SMYD2: variants seen among roughly 807,000 people sequenced by gnomAD.
SMYD2 encodes N-lysine methyltransferase SMYD2.
SMYD2 carries 53 observed loss-of-function variants against 59.1 expected under a neutral mutation model. The ratio of observed to expected loss-of-function variants is 0.90; its 90% CI spans 0.72 to 1.13. SMYD2 has a LOEUF of 1.13. Ranked by LOEUF, SMYD2 falls within the 50% of genes most tolerant of loss-of-function variation. The probability of loss-of-function intolerance (pLI) is 0.00; values close to 1 mark genes in which losing one functional copy is unlikely to be tolerated. For missense variants in SMYD2, 494 were observed against 544.7 expected (o/e 0.91, Z 0.93); for synonymous variants, 208 against 198.8 (o/e 1.05, Z -0.39).
chr1:214,306,159 G>C (rs1013133672), intron 2 of SMYD2, among the ~76,000 whole-genome samples: 2 of 152,142 alleles, frequency 1.3e-5, no homozygotes, highest in African/African-American at 4.8e-5. Context: ...GGACAGGGAA[G>C]ATTTTCTCTA....
At chr1:214,309,212 T>C (rs1656961398) in intron 2 of SMYD2, among the ~76,000 whole-genome samples, 1 of 152,234 alleles carries the variant, frequency 6.6e-6, no homozygotes, top group South Asian at 2.1e-4. Flanking sequence ...AGAGGAAAGA[T>C]TTTAATTGCT....
At chr1:214,289,790 T>A (rs1285488777) in intron 1 of SMYD2, among the ~76,000 whole-genome samples, 1 of 152,244 alleles carries the variant, frequency 6.6e-6, no homozygotes, top group Non-Finnish European at 1.5e-5. Flanking sequence ...CAGGGGCCCC[T>A]GCACTGGCCC....
chr1:214,303,731 G>A (rs1217230255), intron 1 of SMYD2, among the ~76,000 whole-genome samples: 6 of 152,202 alleles, frequency 3.9e-5, no homozygotes, highest in African/African-American at 7.2e-5. Flanking sequence ...GAGAAGCCGC[G>A]GAGGATTCTG....
At chr1:214,302,911 C>A (rs6683913) in intron 1 of SMYD2, among the ~76,000 whole-genome samples, 14,843 of 152,178 alleles carry the variant, frequency 0.098, 910 homozygotes, top group South Asian at 0.19. Context: ...ATTTTCTAAT[C>A]TCTTACATCA....
intron 1 of SMYD2, among the ~76,000 whole-genome samples, chr1:214,304,085 C>G (rs189972580): frequency 6.6e-6 from 1 of 152,222 alleles, no homozygotes; most frequent in Non-Finnish European, 1.5e-5. Flanking sequence ...ACAATACACA[C>G]GCGAGCACCT....
intron 1 of SMYD2, among the ~76,000 whole-genome samples, chr1:214,298,334 G>T (rs1216135093): frequency 6.6e-6 from 1 of 152,184 alleles, no homozygotes; most frequent in Non-Finnish European, 1.5e-5. Context: ...ATGGTGCTGG[G>T]ATGACTGGCT....
At chr1:214,289,876 A>G (rs893664710) in intron 1 of SMYD2, among the ~76,000 whole-genome samples, 1 of 152,194 alleles carries the variant, frequency 6.6e-6, no homozygotes, top group Non-Finnish European at 1.5e-5. Context: ...CCTCTCAGGA[A>G]CTTGCATTGT....
At chr1:214,305,634 T>C (rs964149926) in intron 2 of SMYD2, among the ~76,000 whole-genome samples, 1 of 152,232 alleles carries the variant, frequency 6.6e-6, no homozygotes, top group African/African-American at 2.4e-5. Flanking sequence ...GCAGGCTACA[T>C]CTTACCCTTG....
intron 1 of SMYD2, 36 bp downstream of exon 1, chr1:214,281,463 C>G (rs747258665): frequency 3.0e-6 from 4 of 1,315,674 alleles, no homozygotes; most frequent in South Asian, 2.2e-5. Context: ...GGGCGGGAGC[C>G]GGGGGCGCCG....
At chr1:214,285,702 A>C (rs1263421553) in intron 1 of SMYD2, among the ~76,000 whole-genome samples, 3 of 146,132 alleles carry the variant, frequency 2.1e-5, no homozygotes, top group Admixed American at 2.0e-4. Flanking sequence ...TTCCATGTAC[A>C]TTAATGCATA....
intron 1 of SMYD2, among the ~76,000 whole-genome samples, chr1:214,290,266 C>T (rs372678659): frequency 1.3e-5 from 2 of 152,290 alleles, no homozygotes; most frequent in East Asian, 1.9e-4. Flanking sequence ...TCCGTACATT[C>T]GCTGAGAATC....
At chr1:214,302,908 A>G (rs987954775) in intron 1 of SMYD2, among the ~76,000 whole-genome samples, 5 of 152,114 alleles carry the variant, frequency 3.3e-5, no homozygotes, top group South Asian at 2.1e-4. Flanking sequence ...ATAATTTTCT[A>G]ATCTCTTACA....
intron 1 of SMYD2, among the ~76,000 whole-genome samples, chr1:214,300,732 A>G (rs68118165): frequency 0.11 from 16,157 of 152,232 alleles, 1,087 homozygotes; most frequent in Middle Eastern, 0.19. Flanking sequence ...GTGAATTCCA[A>G]TTCTGCCACC....
intron 1 of SMYD2, among the ~76,000 whole-genome samples, chr1:214,288,441 C>T (rs1028100796): frequency 6.6e-6 from 1 of 152,180 alleles, no homozygotes; most frequent in Admixed American, 6.5e-5. Context: ...CTCCCTGTTC[C>T]TCGTGTGATC....
chr1:214,333,894 T>C, intron 10 of SMYD2: 1 of 238,260 alleles, frequency 4.2e-6, no homozygotes. Flanking sequence ...TGGGTATGTC[T>C]GAAATATAAA....
chr1:214,310,766 T>C (rs1656987968), intron 2 of SMYD2, among the ~76,000 whole-genome samples: 1 of 152,216 alleles, frequency 6.6e-6, no homozygotes, highest in African/African-American at 2.4e-5. Context: ...TTGTCCAGTC[T>C]GGTTGCTTGT....
intron 6 of SMYD2, 47 bp from the exon 7 acceptor site, chr1:214,327,575 T>A: frequency 6.8e-7 from 1 of 1,470,628 alleles, no homozygotes; most frequent in Non-Finnish European, 9.5e-7. Context: ...AGCTAAACAG[T>A]CTGCCTATCT....
At chr1:214,319,860 G>A (rs1003363266) in intron 5 of SMYD2, among the ~76,000 whole-genome samples, 1 of 152,244 alleles carries the variant, frequency 6.6e-6, no homozygotes, top group African/African-American at 2.4e-5. Context: ...CTCCGGATGT[G>A]TAAAAGAGAT....
intron 6 of SMYD2, 22 bp from the exon 7 acceptor site, chr1:214,327,600 G>T: frequency 1.2e-6 from 2 of 1,605,766 alleles, no homozygotes; most frequent in African/African-American, 1.3e-5. Flanking sequence ...TTAAAAACTG[G>T]GTTTTCTCTT....
Sources: gnomAD v4.1 joint callset for allele counts (sites outside exome capture counted in the v4.1 genomes callset) on GRCh38, gnomAD v4.1.1 for gene constraint, MANE v1.5 for transcripts, NCBI Gene and HGNC (gene_info 2026-07-23, HGNC 2026-07-21) for gene names.